Variants in PTPN11 observed in about 807,000 individuals in gnomAD.
The protein encoded by PTPN11 is tyrosine-protein phosphatase non-receptor type 11.
In PTPN11, 6 loss-of-function variants were observed where a neutral mutation model predicts 78.8. The observed-to-expected ratio is 0.08, with a 90% CI of 0.04 to 0.15. The LOEUF is 0.15. Among genes scored for constraint, PTPN11 ranks in the 10% least tolerant of loss-of-function variants. PTPN11 has a pLI of 1.00. For missense variants in PTPN11, 386 were observed against 744.8 expected (o/e 0.52, Z 5.61); for synonymous variants, 221 against 263.5 (o/e 0.84, Z 1.56).
chr12:112,502,312 TA>T, intron 14 of PTPN11, 56 bp downstream of exon 14: 1 of 1,456,848 alleles, frequency 6.9e-7, no homozygotes, highest in African/African-American at 1.4e-5. Flanking sequence ...TAAAAAGGTT[TA>T]AAAAACAAAA....
At chr12:112,451,921 G>T (rs961836419) in intron 3 of PTPN11, among the ~76,000 whole-genome samples, 3 of 151,996 alleles carry the variant, frequency 2.0e-5, no homozygotes, top group Non-Finnish European at 4.4e-5. Context: ...TGTCACCCAG[G>T]CTGGAGTCAA....
At chr12:112,421,842 G>T (rs2037526278) in intron 1 of PTPN11, among the ~76,000 whole-genome samples, 1 of 151,906 alleles carries the variant, frequency 6.6e-6, no homozygotes, top group South Asian at 2.1e-4. Flanking sequence ...TGGCCAGGCT[G>T]GTCTCAAACT....
At chr12:112,469,429 T>G (rs948286116) in intron 6 of PTPN11, among the ~76,000 whole-genome samples, 1 of 152,188 alleles carries the variant, frequency 6.6e-6, no homozygotes, top group African/African-American at 2.4e-5. Flanking sequence ...ATTTCATTTT[T>G]GTTATATTCC....
chr12:112,438,287 G>T (rs893899238), intron 1 of PTPN11, among the ~76,000 whole-genome samples: 1 of 152,012 alleles, frequency 6.6e-6, no homozygotes, highest in Non-Finnish European at 1.5e-5. Flanking sequence ...TAAGTTGAGG[G>T]TGTGGTTTTC....
intron 6 of PTPN11, among the ~76,000 whole-genome samples, chr12:112,467,751 T>C (rs766190135): frequency 6.6e-6 from 1 of 152,122 alleles, no homozygotes; most frequent in Non-Finnish European, 1.5e-5. Context: ...TGCCTCGGCC[T>C]CCCAAAGTGC....
chr12:112,476,343 A>G (rs2038502404), intron 7 of PTPN11, among the ~76,000 whole-genome samples: 1 of 152,246 alleles, frequency 6.6e-6, no homozygotes, highest in South Asian at 2.1e-4. Flanking sequence ...TGGCTGTCTT[A>G]CTAATTCCCA....
chr12:112,466,652 G>T lies in PTPN11; in HGVS notation c.757-6292G>T, dbSNP rs543875150. Among the ~76,000 whole-genome samples, 4 of 152,242 alleles carry T rather than the reference G, an allele frequency of 2.6e-5. No homozygotes were observed. In the East Asian group the frequency reaches 7.7e-4, roughly 29 times the overall value. On this transcript the variant is annotated intron_variant, in intron 6 of 15. Coordinates refer to ENST00000351677, the MANE Select transcript of PTPN11 (RefSeq NM_002834.5). ...CAGGTGTGAGCCATGGCCCCCAGCC[G>T]TATCTTTGTCTTAAAAAGTAATCTC... is the stretch of plus-strand genomic sequence containing the variant.
intron 13 of PTPN11, among the ~76,000 whole-genome samples, chr12:112,492,745 C>T (rs1189647651): frequency 6.6e-6 from 1 of 152,032 alleles, no homozygotes; most frequent in Non-Finnish European, 1.5e-5. Context: ...TCTTGATCTC[C>T]TGACCTTGTG....
At chr12:112,462,442 A>G (rs2038263087) in intron 6 of PTPN11, among the ~76,000 whole-genome samples, 1 of 152,140 alleles carries the variant, frequency 6.6e-6, no homozygotes, top group Admixed American at 6.6e-5. Flanking sequence ...AACTGGGTAT[A>G]TGGTTAGTTT....
chr12:112,498,161 A>C lies in PTPN11; in HGVS notation c.1600-3983A>C, dbSNP rs564087350. 6.9e-4 allele frequency among the ~76,000 whole-genome samples: 105 copies of C among 152,058 alleles called. 1 individual carries two copies. In the South Asian group the frequency reaches 0.019, roughly 27 times the overall value. Reference sequence around the variant, plus strand: ...GAGTGAGACTTCGTGTCAAAAAAAAAACAAAAAACCCCTCATTTTGAAAGG... The same window carrying C: ...GAGTGAGACTTCGTGTCAAAAAAAACACAAAAAACCCCTCATTTTGAAAGG... On this transcript the variant is annotated intron_variant, in intron 13 of 15. Transcript: ENST00000351677.
intron 6 of PTPN11, among the ~76,000 whole-genome samples, chr12:112,466,526 A>G (rs983710806): frequency 6.6e-6 from 1 of 152,020 alleles, no homozygotes; most frequent in Admixed American, 6.6e-5. Flanking sequence ...TAATTTTTGT[A>G]TTTTTAGTAG....
At chr12:112,501,699 A>G (rs890121381) in intron 13 of PTPN11, among the ~76,000 whole-genome samples, 3 of 152,188 alleles carry the variant, frequency 2.0e-5, no homozygotes, top group South Asian at 2.1e-4. Context: ...ATTTTTTCTG[A>G]TAAGAGTGCT....
intron 6 of PTPN11, among the ~76,000 whole-genome samples, chr12:112,461,082 A>G (rs777152341): frequency 6.6e-6 from 1 of 152,128 alleles, no homozygotes; most frequent in Non-Finnish European, 1.5e-5. Context: ...TTCATTGGAT[A>G]CAAGTTTTCT....
intron 1 of PTPN11, among the ~76,000 whole-genome samples, chr12:112,419,891 A>T (rs1294209133): frequency 6.6e-6 from 1 of 152,178 alleles, no homozygotes; most frequent in African/African-American, 2.4e-5. Context: ...GAAACTTAGG[A>T]GGATTAGTGA....
intron 4 of PTPN11, among the ~76,000 whole-genome samples, chr12:112,454,158 C>T (rs1395939600): frequency 6.6e-6 from 1 of 152,004 alleles, no homozygotes; most frequent in African/African-American, 2.4e-5. Context: ...GAGACAGAGT[C>T]TCCCTCTGTC....
intron 1 of PTPN11, among the ~76,000 whole-genome samples, chr12:112,444,852 A>G (rs2037965689): frequency 6.6e-6 from 1 of 152,102 alleles, no homozygotes; most frequent in Non-Finnish European, 1.5e-5. Flanking sequence ...CTGGCCCACA[A>G]TAGGATGTTC....
At chr12:112,472,525 A>G (rs2038434003) in intron 6 of PTPN11, among the ~76,000 whole-genome samples, 2 of 151,296 alleles carry the variant, frequency 1.3e-5, no homozygotes, top group African/African-American at 2.4e-5. Context: ...TGCAGCATTC[A>G]GATGAACCTT....
chr12:112,489,199 C>T (rs368205294), intron 13 of PTPN11, 24 bp downstream of exon 13: 44 of 1,613,474 alleles, frequency 2.7e-5, no homozygotes, highest in Admixed American at 3.3e-5. Flanking sequence ...GGCTGGCATG[C>T]GGATTCTCAT....
At chr12:112,420,146 T>G (rs906817810) in intron 1 of PTPN11, among the ~76,000 whole-genome samples, 5 of 152,308 alleles carry the variant, frequency 3.3e-5, no homozygotes, top group South Asian at 2.1e-4. Context: ...TTGTAAGCCT[T>G]AATTTTGTTG....
Sources: gnomAD v4.1 joint callset for allele counts (sites outside exome capture counted in the v4.1 genomes callset) on GRCh38, gnomAD v4.1.1 for gene constraint, MANE v1.5 for transcripts, NCBI Gene and HGNC (gene_info 2026-07-23, HGNC 2026-07-21) for gene names.